The following CATSPERE variants were observed in gnomAD, a reference collection of about 807,000 sequenced individuals.
CATSPERE encodes catsper channel auxiliary subunit epsilon, also known as cation channel sperm-associated auxiliary subunit epsilon.
A neutral mutation model predicts 114.1 loss-of-function variants in CATSPERE; 93 were observed. That is an observed-to-expected ratio of 0.81 (90% CI 0.69 to 0.97). The LOEUF (loss-of-function observed/expected upper bound fraction) is 0.97, where lower values mean the gene tolerates loss of function less well. CATSPERE is among the 50% of genes least tolerant of loss of function. The pLI, the probability that CATSPERE is intolerant of heterozygous loss-of-function variation, is 0.00. For missense variants in CATSPERE, 1,058 were observed against 1,131.6 expected (o/e 0.93, Z 0.93); for synonymous variants, 341 against 384.1 (o/e 0.89, Z 1.31).
At chr1:244,539,548 G>C (rs547411454) in intron 8 of CATSPERE, among the ~76,000 whole-genome samples, 1 of 139,942 alleles carries the variant, frequency 7.1e-6, no homozygotes, top group East Asian at 2.1e-4. Flanking sequence ...AGAAGGAATG[G>C]TACCAGTTCC....
At chr1:244,517,022 C>G (rs1676747914) in intron 7 of CATSPERE, among the ~76,000 whole-genome samples, 1 of 152,084 alleles carries the variant, frequency 6.6e-6, no homozygotes, top group South Asian at 2.1e-4. Context: ...ATAATTCACT[C>G]AGTGAAAAAT....
chr1:244,552,064 CAAAAAAAAA>C (rs33962480), intron 8 of CATSPERE, among the ~76,000 whole-genome samples: 2 of 61,330 alleles, frequency 3.3e-5, no homozygotes, highest in Non-Finnish European at 5.6e-5. Flanking sequence ...ACTCTGTCTC[CAAAAAAAAA>C]AAAAAAAAAA....
At chr1:244,511,112 G>C (rs1162481972) in intron 7 of CATSPERE, among the ~76,000 whole-genome samples, 1 of 151,556 alleles carries the variant, frequency 6.6e-6, no homozygotes, top group East Asian at 1.9e-4. Flanking sequence ...CAAAGTGCTG[G>C]GATTACAGGC....
At chr1:244,478,723 G>A (rs1669758404) in intron 4 of CATSPERE, among the ~76,000 whole-genome samples, 2 of 152,144 alleles carry the variant, frequency 1.3e-5, no homozygotes, top group Non-Finnish European at 2.9e-5. Context: ...GAGTCTATGA[G>A]TATTTGCCAA....
At chr1:244,621,475 A>G (rs1013847346) in intron 20 of CATSPERE, among the ~76,000 whole-genome samples, 2 of 151,022 alleles carry the variant, frequency 1.3e-5, no homozygotes, top group African/African-American at 4.9e-5. Flanking sequence ...AGTGCCTCCA[A>G]TATGCTCAGC....
chr1:244,491,313 T>C (rs1458687808), intron 6 of CATSPERE, among the ~76,000 whole-genome samples: 1 of 152,030 alleles, frequency 6.6e-6, no homozygotes, highest in East Asian at 1.9e-4. Flanking sequence ...GCTAACTACA[T>C]GGAAACTGAA....
Position 244,510,748 on chromosome 1 carries a change from C to T in CATSPERE, c.430-7844C>T, listed in dbSNP as rs532122693. Among the ~76,000 whole-genome samples, 49 of 151,016 alleles carry T rather than the reference C, an allele frequency of 3.2e-4. 1 individual carries two copies. The South Asian group carries it at 9.4e-3, about 29-fold the overall frequency. On this transcript the variant is annotated intron_variant, in intron 7 of 21. Coordinates refer to ENST00000366534, the MANE Select transcript of CATSPERE (RefSeq NM_001130957.2). ...TTATTTTTATGGAGGTCTATTTCTC[C>T]CTTTAGATGTAATTATATTTGCTTT...
At chr1:244,506,497 C>A (rs1003702804) in intron 7 of CATSPERE, among the ~76,000 whole-genome samples, 1 of 152,236 alleles carries the variant, frequency 6.6e-6, no homozygotes, top group African/African-American at 2.4e-5. Flanking sequence ...CCTCCACCAT[C>A]TTACATTCCC....
At chr1:244,598,066 G>C (rs966614932) in intron 17 of CATSPERE, among the ~76,000 whole-genome samples, 5 of 152,068 alleles carry the variant, frequency 3.3e-5, no homozygotes, top group African/African-American at 9.7e-5. Context: ...AATTTTTCCA[G>C]TATTAAAATA....
chr1:244,559,917 A>G (rs1359592302), intron 9 of CATSPERE, among the ~76,000 whole-genome samples: 1 of 152,226 alleles, frequency 6.6e-6, no homozygotes, highest in Non-Finnish European at 1.5e-5. Flanking sequence ...TCTATTTAAT[A>G]TATTTCTATG....
intron 8 of CATSPERE, among the ~76,000 whole-genome samples, chr1:244,535,730 G>A (rs969739325): frequency 2.0e-5 from 3 of 152,084 alleles, no homozygotes; most frequent in African/African-American, 7.2e-5. Context: ...CCGGGAACTG[G>A]GGACCCTAAG....
At chr1:244,509,395 G>A (rs937693149) in intron 7 of CATSPERE, among the ~76,000 whole-genome samples, 1 of 152,062 alleles carries the variant, frequency 6.6e-6, no homozygotes, top group Non-Finnish European at 1.5e-5. Flanking sequence ...ATTTGCATAT[G>A]TTGAACCACC....
intron 7 of CATSPERE, among the ~76,000 whole-genome samples, chr1:244,514,786 G>A (rs548457688): frequency 7.0e-6 from 1 of 142,100 alleles, no homozygotes; most frequent in African/African-American, 2.6e-5. Flanking sequence ...CCGAGATCAC[G>A]TCACTGCACT....
intron 8 of CATSPERE, among the ~76,000 whole-genome samples, chr1:244,545,410 G>A (rs1450945171): frequency 6.6e-6 from 1 of 152,196 alleles, no homozygotes; most frequent in Non-Finnish European, 1.5e-5. Flanking sequence ...GTGGGACCCA[G>A]GATAAGAGAA....
intron 2 of CATSPERE, among the ~76,000 whole-genome samples, chr1:244,475,255 T>C (rs1669125847): frequency 1.3e-5 from 2 of 152,096 alleles, no homozygotes; most frequent in African/African-American, 2.4e-5. Flanking sequence ...TTTTTTTTTT[T>C]TTCTGTCTCA....
At chr1:244,475,236 T>C (rs930847044) in intron 2 of CATSPERE, among the ~76,000 whole-genome samples, 2 of 145,972 alleles carry the variant, frequency 1.4e-5, no homozygotes, top group Admixed American at 6.8e-5. Flanking sequence ...AATTATCTTA[T>C]CTAGAGACTT....
chr1:244,510,228 C>G (rs1482229784), intron 7 of CATSPERE, among the ~76,000 whole-genome samples: 1 of 152,084 alleles, frequency 6.6e-6, no homozygotes, highest in Admixed American at 6.6e-5. Context: ...TCTCTCTTAG[C>G]AGTGCTTTTA....
intron 20 of CATSPERE, among the ~76,000 whole-genome samples, chr1:244,628,691 G>A (rs1418657560): frequency 1.3e-5 from 2 of 152,096 alleles, no homozygotes; most frequent in African/African-American, 4.8e-5. Context: ...GAAAATTATC[G>A]TACTTGAAGA....
intron 8 of CATSPERE, among the ~76,000 whole-genome samples, chr1:244,527,007 A>G (rs1244106589): frequency 2.6e-5 from 4 of 152,124 alleles, no homozygotes; most frequent in Admixed American, 1.3e-4. Flanking sequence ...CAAGGTAATA[A>G]GATGTCACAA....
Sources: gnomAD v4.1 joint callset for allele counts (sites outside exome capture counted in the v4.1 genomes callset) on GRCh38, gnomAD v4.1.1 for gene constraint, MANE v1.5 for transcripts, NCBI Gene and HGNC (gene_info 2026-07-23, HGNC 2026-07-21) for gene names.